The following LTV1 variants were observed in gnomAD, a reference collection of about 807,000 sequenced individuals.
The protein encoded by LTV1 is protein LTV1 homolog.
Under a neutral mutation model 59.9 loss-of-function variants are expected in LTV1, and 39 were observed. That is an observed-to-expected ratio of 0.65 (90% confidence interval 0.50 to 0.85). The LOEUF (loss-of-function observed/expected upper bound fraction) is 0.85. Ranked by LOEUF, LTV1 falls within the 40% of genes least tolerant of loss-of-function variation. LTV1 has a pLI of 0.00. For synonymous variants in LTV1, 171 were observed against 189.5 expected (o/e 0.90, Z 0.80); for missense variants, 493 against 549.1 (o/e 0.90, Z 1.02).
At chr6:143,860,717 A>G (rs1203313847) in intron 7 of LTV1, among the ~76,000 whole-genome samples, 164 bp downstream of exon 7, 1 of 152,134 alleles carries the variant, frequency 6.6e-6, no homozygotes, top group African/African-American at 2.4e-5. Context: ...AAAAAAAGAT[A>G]GGGCGGAAAA....
At position 143,857,814 on chromosome 6, in the gene LTV1, A is replaced by G. The variant is rs139648519; in HGVS notation, c.602A>G (p.Asn201Ser). ...EDVDDEKGDSNDDYDSAGLLS... is the reference protein window; with the variant it reads ...EDVDDEKGDSSDDYDSAGLLS... ...GTGGATGATGAGAAGGGAGATAGCA[A>G]TGATGACTATGACTCTGCAGGCCTA... The change falls in exon 6 of 11, where the codon AAT becomes AGT. Residue 201 changes from asparagine to serine, a missense_variant. By Grantham distance (46) the Asn-to-Ser change is conservative. Transcript: ENST00000367576. This position sits in a 1 kb window ranked among gnomAD's most constrained non-coding sequence, Gnocchi z 5.2. 1,042 of 1,614,152 alleles carry G rather than the reference A, an allele frequency of 6.5e-4. 10 individuals are homozygous for G. The African/African-American group carries it at 0.012, about 19-fold the overall frequency.
Position 143,862,058 on chromosome 6 carries a change from C to G in LTV1, c.924-46C>G. 6.3e-7 allele frequency: 1 copy of G among 1,582,250 alleles called. No individual in the cohort carries two copies. Among genetic ancestry groups the G allele is most frequent in the Non-Finnish European group, 8.6e-7 (1 of 1,166,010 alleles). On this transcript the variant is annotated intron_variant, in intron 7 of 10. Transcript: ENST00000367576. The surrounding 1 kb of genome is among the most constrained non-coding windows in gnomAD (Gnocchi z 4.2). ...TTAGTGACATAGTATAATAATAGGT[C>G]ATTTTTCCCCCTCTTGGTCTTCACT...
intron 7 of LTV1, among the ~76,000 whole-genome samples, chr6:143,861,186 T>C (rs1054693632): frequency 6.6e-6 from 1 of 152,184 alleles, no homozygotes; most frequent in African/African-American, 2.4e-5. Flanking sequence ...TCTGAGCCAC[T>C]GTGCCTGGCC....
chr6:143,846,313 C>A, intron 3 of LTV1, 89 bp downstream of exon 3: 1 of 1,246,964 alleles, frequency 8.0e-7, no homozygotes, highest in Non-Finnish European at 1.1e-6. Flanking sequence ...AAATGGTGTC[C>A]GTATGAAGAG....
At chr6:143,843,519 G>T in intron 1 of LTV1, 39 bp downstream of exon 1, 1 of 1,613,030 alleles carries the variant, frequency 6.2e-7, no homozygotes. Flanking sequence ...CGAGCGCTGT[G>T]GTTTTGCAGA....
At chr6:143,847,622 A>G (rs1034424109) in intron 3 of LTV1, among the ~76,000 whole-genome samples, 2 of 152,180 alleles carry the variant, frequency 1.3e-5, no homozygotes, top group Admixed American at 6.5e-5. Context: ...CGGCCTCCCA[A>G]AGTGCTGGGA....
chr6:143,862,370 A>G lies in LTV1; in HGVS notation c.1063+127A>G. On this transcript the variant is annotated intron_variant, in intron 8 of 10. Transcript: ENST00000367576. This position sits in a 1 kb window ranked among gnomAD's most constrained non-coding sequence, Gnocchi z 4.2. ...GAGGCCGAGGCGGGTGGGTCACCTGATGTCAGGAGTTCAAGACCAGCCTGG... is the reference window on the plus strand; with the variant it reads ...GAGGCCGAGGCGGGTGGGTCACCTGGTGTCAGGAGTTCAAGACCAGCCTGG... 1.4e-6 allele frequency: 1 copy of G among 718,594 alleles called. No homozygotes were observed. 44.5% of individuals were successfully genotyped at this position (718,594 alleles called of 1,614,324 possible). A position where few individuals can be genotyped will look rare whatever the true frequency, so the allele number is the denominator to read the frequency against.
chr6:143,851,457 TTTC>T (rs1483898443), intron 4 of LTV1, among the ~76,000 whole-genome samples: 14 of 152,172 alleles, frequency 9.2e-5, no homozygotes. Context: ...TAAAGGCCAG[TTTC>T]TTCTTGCAGA....
In LTV1 at chr6:143,844,605, G is replaced by T. The variant is rs932634746; in HGVS notation, c.123G>T (p.Leu41Phe). 1 of 1,613,226 alleles carries T rather than the reference G, an allele frequency of 6.2e-7. No homozygotes were observed. Among genetic ancestry groups the T allele is most frequent in the Admixed American group, 1.7e-5 (1 of 59,896 alleles). ...ADESAPQRVLLPTQKIDNEER... is the reference protein window; with the variant it reads ...ADESAPQRVLFPTQKIDNEER... ...AGAGTGCACCCCAGAGGGTTCTATTGCCCACACAAAAAGTAGGTCCTGTTC... is the reference window on the plus strand; with the variant it reads ...AGAGTGCACCCCAGAGGGTTCTATTTCCCACACAAAAAGTAGGTCCTGTTC... Residue 41 changes from leucine to phenylalanine, a missense_variant, in exon 2 of 11, where the codon TTG (leucine) becomes TTT (phenylalanine). Physicochemically the swap from Leu to Phe is conservative, Grantham distance 22. Coordinates refer to ENST00000367576, the MANE Select transcript of LTV1 (RefSeq NM_032860.5).
At chr6:143,845,182 C>G (rs1776871580) in intron 2 of LTV1, among the ~76,000 whole-genome samples, 1 of 151,978 alleles carries the variant, frequency 6.6e-6, no homozygotes, top group Non-Finnish European at 1.5e-5. Flanking sequence ...TGCAAGGGAG[C>G]CTGGTAAAGA....
At chr6:143,859,129 C>T (rs1259922649) in intron 6 of LTV1, among the ~76,000 whole-genome samples, 2 of 152,108 alleles carry the variant, frequency 1.3e-5, no homozygotes, top group East Asian at 1.9e-4. Context: ...CATTTCTTTC[C>T]GTTTCTCATC....
intron 6 of LTV1, 23 bp downstream of exon 6, chr6:143,858,030 G>T: frequency 6.2e-7 from 1 of 1,609,730 alleles, no homozygotes; most frequent in Non-Finnish European, 8.5e-7. Context: ...CATAAGGGAT[G>T]CTTTAGTACT....
rs749680193 is a variant in LTV1, at chr6:143,850,268, A to T, written c.397+50A>T. On this transcript the variant is annotated intron_variant, in intron 4 of 10. Transcript: ENST00000367576. The stretch of plus-strand genomic sequence containing the variant: ...CATATGGATAAATGTATTTTGCAAA[A>T]CATAAAGAAATGATGTAGGATTTTT... 2.1e-6 allele frequency: 3 copies of T among 1,400,380 alleles called. No individual in the cohort carries two copies. In the South Asian group the frequency reaches 3.6e-5, roughly 17 times the overall value. 86.7% of individuals were successfully genotyped at this position (1,400,380 alleles called of 1,614,324 possible). A position where few individuals can be genotyped will look rare whatever the true frequency, so the allele number is the denominator to read the frequency against.
intron 4 of LTV1, among the ~76,000 whole-genome samples, chr6:143,851,511 G>C (rs1052608545): frequency 6.6e-6 from 1 of 152,060 alleles, no homozygotes; most frequent in African/African-American, 2.4e-5. Context: ...AAACATTATA[G>C]ATGTTTAATG....
chr6:143,862,933 G>A lies in LTV1; in HGVS notation c.1116+37G>A. The A allele has an allele frequency of 1.3e-6, 2 of 1,521,452 alleles. No individual in the cohort carries two copies. The highest frequency in any genetic ancestry group is 1.8e-6 in the Non-Finnish European group (2 of 1,096,284). The allele number at this position is 1,521,452 out of a possible 1,614,324, so 94.2% of individuals were successfully genotyped here. ...TGTGCTGAGCTATTTGAAGGATGCA[G>A]TGCATAAAAAATAGAGTGCACATTT... On this transcript the variant is annotated intron_variant, in intron 9 of 10. Transcript: ENST00000367576. The surrounding 1 kb of genome is among the most constrained non-coding windows in gnomAD (Gnocchi z 4.2).
rs193007323 is a variant in LTV1, at chr6:143,858,054, T to A, written c.795+47T>A. On this transcript the variant is annotated intron_variant, in intron 6 of 10. Coordinates refer to ENST00000367576, the MANE Select transcript of LTV1 (RefSeq NM_032860.5). ...TGCTTTAGTACTATCTTATGTTAAA[T>A]TTTTTTTTTTAATACCTGTCAGCTT... 676 of 1,214,526 alleles carry A rather than the reference T, an allele frequency of 5.6e-4. 3 individuals are homozygous for A. In the African/African-American group the frequency reaches 9.1e-3, roughly 16 times the overall value. 75.2% of individuals were successfully genotyped at this position (1,214,526 alleles called of 1,614,324 possible). A position where few individuals can be genotyped will look rare whatever the true frequency, so the allele number is the denominator to read the frequency against.
rs1312714974 is a variant in LTV1 at position 143,857,332 on chromosome 6, G to A, written c.427G>A (p.Val143Ile). ...GPRLDFDPDI[V>I]AALDDDFDFD... ...TCGACTGGATTTTGATCCTGACATT[G>A]TTGCAGCTCTTGATGATGATTTTGA... Residue 143 changes from valine (V) to isoleucine (I), a missense_variant, in exon 5 of 11, where the codon GTT becomes ATT. Transcript: ENST00000367576. The surrounding 1 kb of genome is among the most constrained non-coding windows in gnomAD (Gnocchi z 5.2). 15 of 1,613,788 alleles carry A rather than the reference G, an allele frequency of 9.3e-6. No individual in the cohort carries two copies. Among genetic ancestry groups the A allele is most frequent in the Non-Finnish European group, 1.3e-5 (15 of 1,179,718 alleles).
intron 6 of LTV1, chr6:143,858,345 G>A (rs1777113271): frequency 4.2e-6 from 1 of 238,684 alleles, no homozygotes; most frequent in Admixed American, 4.9e-5. Flanking sequence ...AAAAGTAGCT[G>A]TAATAGTTTT....
intron 4 of LTV1, among the ~76,000 whole-genome samples, chr6:143,856,746 G>A (rs1483363973): frequency 6.6e-6 from 1 of 152,178 alleles, no homozygotes; most frequent in Non-Finnish European, 1.5e-5. Flanking sequence ...CTGTTTGCCT[G>A]GGTATCACCA....
Sources: allele counts gnomAD v4.1 joint callset (sites outside exome capture counted in the v4.1 genomes callset), GRCh38; gene constraint gnomAD v4.1.1; non-coding constraint Gnocchi (gnomAD v3.1); transcripts MANE v1.5; gene names NCBI Gene and HGNC (gene_info 2026-07-23, HGNC 2026-07-21).